The following ARPP21 variants were observed in gnomAD, a reference collection of about 807,000 sequenced individuals.
The protein encoded by ARPP21 is cAMP-regulated phosphoprotein 21.
In ARPP21, 69 loss-of-function variants were observed where a neutral mutation model predicts 113.2. That is an observed-to-expected ratio of 0.61 (90% CI 0.50 to 0.74). The LOEUF (loss-of-function observed/expected upper bound fraction) is 0.74, where lower values mean the gene tolerates loss of function less well. Ranked by LOEUF, ARPP21 falls within the 30% of genes least tolerant of loss-of-function variation. The probability of loss-of-function intolerance (pLI) is 0.00; values close to 1 mark genes in which losing one functional copy is unlikely to be tolerated. For missense variants in ARPP21, 1,070 were observed against 1,037.4 expected, an observed-to-expected ratio of 1.03 and a Z score of -0.43; for synonymous variants, 368 against 375.5, an observed-to-expected ratio of 0.98 and a Z score of 0.23.
At chr3:35,761,260 T>C (rs1198967998) in intron 19 of ARPP21, among the ~76,000 whole-genome samples, 2 of 152,108 alleles carry the variant, frequency 1.3e-5, no homozygotes, top group East Asian at 3.9e-4. Flanking sequence ...TCTCTATATT[T>C]AGAGATGCAT....
chr3:35,677,871 G>C (rs1025438309), intron 1 of ARPP21, among the ~76,000 whole-genome samples: 3 of 151,948 alleles, frequency 2.0e-5, no homozygotes, highest in Non-Finnish European at 4.4e-5. Flanking sequence ...TCCTGGCACT[G>C]CTTTCTCAGC....
At chr3:35,744,000 C>G (rs925249348) in intron 19 of ARPP21, 35 bp downstream of exon 19, 3 of 1,612,626 alleles carry the variant, frequency 1.9e-6, no homozygotes, top group Middle Eastern at 1.6e-4. Flanking sequence ...GCTTCTCAAC[C>G]CAGTTATTTT....
At chr3:35,772,461 A>T (rs1395236256) in intron 19 of ARPP21, among the ~76,000 whole-genome samples, 4 of 152,190 alleles carry the variant, frequency 2.6e-5, no homozygotes, top group African/African-American at 9.6e-5. Context: ...GAGCCTTACT[A>T]CTCAGTAAAA....
At chr3:35,665,483 A>T (rs2074117303) in intron 1 of ARPP21, among the ~76,000 whole-genome samples, 1 of 152,216 alleles carries the variant, frequency 6.6e-6, no homozygotes, top group Admixed American at 6.5e-5. Flanking sequence ...GTACTTAGAT[A>T]CCACACACAT....
intron 1 of ARPP21, among the ~76,000 whole-genome samples, chr3:35,664,848 AC>A (rs1374290275): frequency 1.3e-5 from 2 of 151,568 alleles, no homozygotes; most frequent in Admixed American, 1.3e-4. Context: ...CTGAGCTGGA[AC>A]CGACTCCAGG....
In ARPP21 at chr3:35,665,719, A is replaced by G. The variant is rs149007012; in HGVS notation, c.-212-14068A>G. Among the ~76,000 whole-genome samples the G allele has an allele frequency of 3.3e-5, 5 of 152,300 alleles. No homozygotes were observed. In the East Asian group the frequency reaches 7.7e-4, roughly 24 times the overall value. The stretch of plus-strand genomic sequence containing the variant: ...CTCATTTTCAAAAGCACAGCTGCAG[A>G]TGAAGAGCTACTTAATGAACCCTAT... On this transcript the variant is annotated intron_variant, in intron 1 of 20. Transcript: ENST00000684406.
intron 1 of ARPP21, among the ~76,000 whole-genome samples, chr3:35,671,615 G>C (rs1318859955): frequency 1.3e-5 from 2 of 152,062 alleles, no homozygotes; most frequent in Non-Finnish European, 2.9e-5. Flanking sequence ...CATGTGATGA[G>C]AATATATTAT....
chr3:35,699,194 A>G (rs998086944), intron 9 of ARPP21, among the ~76,000 whole-genome samples: 2 of 151,650 alleles, frequency 1.3e-5, no homozygotes, highest in African/African-American at 4.8e-5. Flanking sequence ...TTCATCATAC[A>G]TATACCTACT....
chr3:35,651,326 G>T (rs1218755923), intron 1 of ARPP21, among the ~76,000 whole-genome samples: 4 of 152,044 alleles, frequency 2.6e-5, no homozygotes, highest in Non-Finnish European at 5.9e-5. Flanking sequence ...TACTGAGAAA[G>T]AACCTACTTT....
At chr3:35,663,608 G>C (rs1273182959) in intron 1 of ARPP21, among the ~76,000 whole-genome samples, 1 of 152,044 alleles carries the variant, frequency 6.6e-6, no homozygotes, top group East Asian at 1.9e-4. Flanking sequence ...CAGATCTGGA[G>C]GGATGTGTCC....
chr3:35,664,219 ACATGTATT>A (rs1486486694), intron 1 of ARPP21, among the ~76,000 whole-genome samples: 13 of 152,190 alleles, frequency 8.5e-5, no homozygotes, highest in Admixed American at 6.5e-4. Flanking sequence ...GTATTTCAAC[ACATGTATT>A]CATTGTGTAA....
chr3:35,743,506 G>C (rs1168237893), intron 18 of ARPP21, among the ~76,000 whole-genome samples: 7 of 152,160 alleles, frequency 4.6e-5, no homozygotes, highest in Non-Finnish European at 1.0e-4. Flanking sequence ...CAGCAGAATA[G>C]TCTAGACTTC....
At chr3:35,707,914 T>C (rs868143367) in intron 10 of ARPP21, among the ~76,000 whole-genome samples, 22 of 152,074 alleles carry the variant, frequency 1.4e-4, no homozygotes, top group African/African-American at 4.8e-4. Flanking sequence ...ATAAATGCCA[T>C]TACAATTATA....
chr3:35,733,068 C>T (rs1164808245), intron 15 of ARPP21, among the ~76,000 whole-genome samples: 2 of 152,162 alleles, frequency 1.3e-5, no homozygotes, highest in East Asian at 3.9e-4. Flanking sequence ...AATTACCTTT[C>T]TTGACAGAAG....
chr3:35,727,108 CT>C (rs2093594452), intron 14 of ARPP21, among the ~76,000 whole-genome samples: 2 of 152,172 alleles, frequency 1.3e-5, no homozygotes, highest in South Asian at 4.1e-4. Flanking sequence ...CATGAGCATT[CT>C]AAACCACTTA....
chr3:35,666,463 T>C (rs547735925), intron 1 of ARPP21, among the ~76,000 whole-genome samples: 1 of 152,318 alleles, frequency 6.6e-6, no homozygotes, highest in South Asian at 2.1e-4. Context: ...TTATGATAAT[T>C]TAAATGTCTA....
At chr3:35,761,791 A>C (rs1410993417) in intron 19 of ARPP21, among the ~76,000 whole-genome samples, 4 of 152,110 alleles carry the variant, frequency 2.6e-5, no homozygotes, top group Non-Finnish European at 5.9e-5. Flanking sequence ...TTATGTCATA[A>C]GTTTTGTTTC....
intron 19 of ARPP21, among the ~76,000 whole-genome samples, chr3:35,754,086 A>C (rs773658837): frequency 6.6e-5 from 10 of 151,708 alleles, no homozygotes; most frequent in Non-Finnish European, 1.0e-4. Context: ...TCAGAGCTGA[A>C]GAAAGAATGT....
At chr3:35,729,858 A>G (rs758463794) in intron 15 of ARPP21, among the ~76,000 whole-genome samples, 6 of 152,208 alleles carry the variant, frequency 3.9e-5, no homozygotes, top group Non-Finnish European at 8.8e-5. Flanking sequence ...TGGTGTGATG[A>G]GTTGGGATAT....
Sources: allele counts gnomAD v4.1 joint callset (sites outside exome capture counted in the v4.1 genomes callset), GRCh38; gene constraint gnomAD v4.1.1; transcripts MANE v1.5; gene names NCBI Gene and HGNC (gene_info 2026-07-23, HGNC 2026-07-21).